Variants in GATA3 observed in about 807,000 individuals in gnomAD.
The protein encoded by GATA3 is GATA binding protein 3.
GATA3 carries 6 observed loss-of-function variants against 36.0 expected under a neutral mutation model. That is an observed-to-expected ratio of 0.17 (90% confidence interval 0.09 to 0.33). The LOEUF is 0.33. GATA3 is among the 10% of genes least tolerant of loss of function. The pLI is 1.00. For synonymous variants in GATA3, 326 were observed against 273.0 expected (o/e 1.19, Z -1.92); for missense variants, 514 against 610.1 (o/e 0.84, Z 1.66).
chr10:8,058,626 T>G lies in GATA3; in HGVS notation c.563T>G (p.Val188Gly). 6.2e-7 allele frequency: 1 copy of G among 1,612,250 alleles called. No homozygotes were observed. The highest frequency in any genetic ancestry group is 8.5e-7 in the Non-Finnish European group (1 of 1,179,888). ...QDEKECLKYQ[V>G]PLPDSMKLES... Reference sequence around the variant, plus strand: ...GAGAAAGAGTGCCTCAAGTACCAGGTGCCCCTGCCCGACAGCATGAAGCTG... The same window carrying G: ...GAGAAAGAGTGCCTCAAGTACCAGGGGCCCCTGCCCGACAGCATGAAGCTG... The change falls in exon 3 of 6, where the codon GTG becomes GGG. Residue 188 changes from valine (V) to glycine (G), a missense_variant. Val to Gly is a moderately radical substitution (Grantham distance 109). This residue lies in a region of GATA3 where 381 missense variants were observed against 354.3 expected (regional missense o/e 1.08). Coordinates refer to ENST00000379328, the MANE Select transcript of GATA3 (RefSeq NM_001002295.2).
chr10:8,059,402 C>T (rs368677137), intron 3 of GATA3, among the ~76,000 whole-genome samples: 2 of 152,154 alleles, frequency 1.3e-5, no homozygotes, highest in African/African-American at 2.4e-5. Flanking sequence ...ATATTCTCTG[C>T]GTGGAAAAGG....
rs1158316348 is a variant in GATA3 at position 8,058,324 on chromosome 10, G to C, written c.261G>C (p.Pro87=). The change falls in exon 3 of 6, where the codon CCG becomes CCC. Residue 87 remains proline, a synonymous_variant. Coordinates refer to ENST00000379328, the MANE Select transcript of GATA3 (RefSeq NM_001002295.2). ...PTHHGSQVCR[P]PLLHGSLPWL... is the part of the protein sequence containing the mutation. ...CCACAGGGAGCCAGGTGTGCCGCCC[G>C]CCTCTGCTTCATGGATCCCTACCCT... The C allele has an allele frequency of 3.7e-6, 6 of 1,613,312 alleles. No individual in the cohort carries two copies. Among genetic ancestry groups the C allele is most frequent in the Non-Finnish European group, 5.1e-6 (6 of 1,180,000 alleles).
In GATA3 at chr10:8,055,305, C is replaced by T. The variant is rs34628951; in HGVS notation, c.-351C>T. 3.1e-3 allele frequency: 1,355 copies of T among 436,158 alleles called. 40 individuals are homozygous for T. The East Asian group carries it at 0.055, about 18-fold the overall frequency. 27.0% of individuals were successfully genotyped at this position (436,158 alleles called of 1,614,324 possible). A position where few individuals can be genotyped will look rare whatever the true frequency, so the allele number is the denominator to read the frequency against. ...CTTGCAGGTGACCCGAGGAGGGACT[C>T]CGCCTCCGAGCGGCTGAGGACCCCG... On this transcript the variant is annotated 5_prime_UTR_variant, in exon 2 of 6. Coordinates refer to ENST00000379328, the MANE Select transcript of GATA3 (RefSeq NM_001002295.2). The surrounding 1 kb of genome is among the most constrained non-coding windows in gnomAD (Gnocchi z 5.4).
rs1294301369 is a variant in GATA3, at chr10:8,064,075, C to T, written c.861C>T (p.Ala287=). Residue 287 remains alanine, a synonymous_variant, in exon 4 of 6, where the codon GCC becomes GCT. Coordinates refer to ENST00000379328, the MANE Select transcript of GATA3 (RefSeq NM_001002295.2). ...GCACGGGACACTACCTGTGCAACGC[C>T]TGCGGGCTCTATCACAAAATGAACG... is the stretch of plus-strand genomic sequence containing the variant. ...RDGTGHYLCN[A]CGLYHKMNGQ... 6 of 1,614,160 alleles carry T rather than the reference C, an allele frequency of 3.7e-6. No individual in the cohort carries two copies. Among genetic ancestry groups the T allele is most frequent in the Middle Eastern group, 1.6e-4 (1 of 6,062 alleles).
chr10:8,055,776 T>C lies in GATA3; in HGVS notation c.121T>C (p.Tyr41His). Residue 41 changes from tyrosine to histidine, a missense_variant, in exon 2 of 6, where the codon TAC becomes CAC. By Grantham distance (83) the Tyr-to-His change is moderately conservative. Around this residue, in one of 3 missense-constraint regions of GATA3, gnomAD observed 381 missense variants for 354.3 expected, o/e 1.08. Coordinates refer to ENST00000379328, the MANE Select transcript of GATA3 (RefSeq NM_001002295.2). The surrounding 1 kb of genome is among the most constrained non-coding windows in gnomAD (Gnocchi z 5.4). Reference protein sequence around the residue: ...LSHSYMDAAQYPLPEEVDVLF... With the variant: ...LSHSYMDAAQHPLPEEVDVLF... ...CCACTCCTACATGGACGCGGCGCAG[T>C]ACCCGCTGCCGGAGGAGGTGGATGT... is the stretch of plus-strand genomic sequence containing the variant. 1.3e-6 allele frequency: 2 copies of C among 1,592,236 alleles called. No homozygotes were observed. The highest frequency in any genetic ancestry group is 1.7e-6 in the Non-Finnish European group (2 of 1,169,446).
chr10:8,065,156 C>T (rs965211500), intron 4 of GATA3, among the ~76,000 whole-genome samples: 2 of 151,966 alleles, frequency 1.3e-5, no homozygotes, highest in Non-Finnish European at 2.9e-5. Flanking sequence ...AAAAAGAACA[C>T]CTCTGTATTC....
intron 1 of GATA3, among the ~76,000 whole-genome samples, chr10:8,046,733 G>A (rs1832393314): frequency 6.6e-6 from 1 of 150,754 alleles, no homozygotes; most frequent in Non-Finnish European, 1.5e-5. Context: ...TCAGAAGAAC[G>A]GAATTGTTTT....
intron 3 of GATA3, among the ~76,000 whole-genome samples, chr10:8,059,471 T>C (rs1436745643): frequency 1.3e-5 from 2 of 152,190 alleles, no homozygotes; most frequent in Non-Finnish European, 2.9e-5. Flanking sequence ...CAGAGTTGAA[T>C]GAAAATCAAA....
upstream of GATA3, among the ~76,000 whole-genome samples, chr10:8,050,218 A>C (rs576283499): frequency 4.6e-5 from 7 of 152,320 alleles, no homozygotes; most frequent in South Asian, 2.1e-4. Context: ...GAATCGAATT[A>C]AACGTCTCTG....
At chr10:8,056,803 G>T (rs1026107494) in intron 2 of GATA3, among the ~76,000 whole-genome samples, 1 of 152,084 alleles carries the variant, frequency 6.6e-6, no homozygotes, top group African/African-American at 2.4e-5. Flanking sequence ...TGTAAAAAAA[G>T]AAGACCAGGC....
chr10:8,066,815 C>A (rs1486842825), intron 4 of GATA3, among the ~76,000 whole-genome samples: 1 of 152,068 alleles, frequency 6.6e-6, no homozygotes. Context: ...TTTGAGAGAC[C>A]CTAAGTTCCC....
intron 4 of GATA3, among the ~76,000 whole-genome samples, chr10:8,064,833 A>G (rs1027823451): frequency 1.3e-5 from 2 of 152,222 alleles, no homozygotes; most frequent in Non-Finnish European, 2.9e-5. Context: ...AACTACTACC[A>G]GTAAGGTGAT....
At chr10:8,056,959 G>A (rs1334440280) in intron 2 of GATA3, among the ~76,000 whole-genome samples, 1 of 152,158 alleles carries the variant, frequency 6.6e-6, no homozygotes. Flanking sequence ...CCCCTACTCA[G>A]AGCCTGCCTT....
chr10:8,070,852 C>T (rs1832920591), intron 5 of GATA3, among the ~76,000 whole-genome samples: 1 of 152,156 alleles, frequency 6.6e-6, no homozygotes, highest in African/African-American at 2.4e-5. Context: ...TACTACGATC[C>T]CTTATTCTCC....
At chr10:8,070,482 C>A (rs74123883) in intron 5 of GATA3, among the ~76,000 whole-genome samples, 1,608 of 151,432 alleles carry the variant, frequency 0.011, 31 homozygotes, top group African/African-American at 0.037. Flanking sequence ...TTATTTTGGT[C>A]TTTCTCTGTG....
chr10:8,062,333 CA>C (rs57448217), intron 3 of GATA3, among the ~76,000 whole-genome samples: 144,852 of 145,662 alleles, frequency 0.99, 72,024 homozygotes, highest in Middle Eastern at 1. Context: ...GAATGTGGAG[CA>C]AAAAAAAAAA....
chr10:8,051,800 C>T (rs985456452), upstream of GATA3, among the ~76,000 whole-genome samples: 2 of 151,752 alleles, frequency 1.3e-5, no homozygotes, highest in East Asian at 1.9e-4. Context: ...CCGGCCTGCT[C>T]TTGCCGGCGA....
At chr10:8,073,607 G>A (rs1832965383) in intron 5 of GATA3, 132 bp from the exon 6 acceptor site, 3 of 978,442 alleles carry the variant, frequency 3.1e-6, no homozygotes, top group East Asian at 2.6e-5. Context: ...GAGGGAGGAA[G>A]GGGCCAGCTG....
At chr10:8,063,288 C>T (rs1179383495) in intron 3 of GATA3, among the ~76,000 whole-genome samples, 2 of 152,204 alleles carry the variant, frequency 1.3e-5, no homozygotes, top group Admixed American at 1.3e-4. Flanking sequence ...CTTGCACCCC[C>T]TGGCTGGGGT....
Sources: allele counts gnomAD v4.1 joint callset (sites outside exome capture counted in the v4.1 genomes callset), GRCh38; gene constraint gnomAD v4.1.1; regional missense constraint gnomAD v4.1.1; non-coding constraint Gnocchi (gnomAD v3.1); transcripts MANE v1.5; gene names NCBI Gene and HGNC (gene_info 2026-07-23, HGNC 2026-07-21).